The following AUTS2 variants were observed in gnomAD, a reference collection of about 807,000 sequenced individuals.
AUTS2 encodes activator of transcription and developmental regulator AUTS2.
Under a neutral mutation model 112.4 loss-of-function variants are expected in AUTS2, and 17 were observed. The ratio of observed to expected loss-of-function variants is 0.15; its 90% CI spans 0.10 to 0.23. The LOEUF is 0.23. Among genes scored for constraint, AUTS2 ranks in the 10% least tolerant of loss-of-function variants. The pLI, the probability that AUTS2 is intolerant of heterozygous loss-of-function variation, is 1.00. For synonymous variants in AUTS2, 751 were observed against 702.7 expected (o/e 1.07, Z -1.09); for missense variants, 1,510 against 1,701.6 (o/e 0.89, Z 1.98).
chr7:70,135,768 G>T (rs1806523561), intron 4 of AUTS2, among the ~76,000 whole-genome samples: 1 of 152,144 alleles, frequency 6.6e-6, no homozygotes, highest in Admixed American at 6.6e-5. Flanking sequence ...GAATATTCAT[G>T]CTAACAGAAA....
intron 1 of AUTS2, among the ~76,000 whole-genome samples, chr7:69,666,680 T>C (rs1796060815): frequency 6.6e-6 from 1 of 152,098 alleles, no homozygotes; most frequent in Admixed American, 6.6e-5. Context: ...GGCAGGAGGA[T>C]TGCTTGAGCT....
At chr7:70,417,360 C>T (rs1248106191) in intron 4 of AUTS2, among the ~76,000 whole-genome samples, 2 of 152,188 alleles carry the variant, frequency 1.3e-5, no homozygotes, top group African/African-American at 4.8e-5. Context: ...GATGGCAGCA[C>T]ATCAAATTGG....
At chr7:70,263,555 A>T (rs930866590) in intron 4 of AUTS2, among the ~76,000 whole-genome samples, 1 of 152,234 alleles carries the variant, frequency 6.6e-6, no homozygotes, top group Non-Finnish European at 1.5e-5. Flanking sequence ...CAAAATGAAT[A>T]TGAAGCTCAA....
intron 2 of AUTS2, among the ~76,000 whole-genome samples, chr7:69,978,723 A>G (rs1321599496): frequency 1.3e-5 from 2 of 152,000 alleles, no homozygotes; most frequent in African/African-American, 2.4e-5. Flanking sequence ...GTATGTGTCT[A>G]TGGTCCCAGC....
intron 1 of AUTS2, among the ~76,000 whole-genome samples, chr7:69,667,840 C>T (rs1417192442): frequency 6.6e-6 from 1 of 152,176 alleles, no homozygotes; most frequent in Non-Finnish European, 1.5e-5. Context: ...CACAGTTTTC[C>T]TGACCATCTC....
intron 4 of AUTS2, among the ~76,000 whole-genome samples, chr7:70,373,091 C>T (rs147452027): frequency 6.6e-5 from 10 of 150,394 alleles, no homozygotes; most frequent in African/African-American, 2.4e-4. Context: ...TGCAATATCA[C>T]GTGAATAATT....
At chr7:70,635,505 G>A (rs1353222194) in intron 5 of AUTS2, among the ~76,000 whole-genome samples, 2 of 152,194 alleles carry the variant, frequency 1.3e-5, no homozygotes, top group African/African-American at 2.4e-5. Flanking sequence ...GGACCCGAAG[G>A]CCTGGGTTCC....
chr7:70,739,345 T>C (rs1384611942), intron 6 of AUTS2, among the ~76,000 whole-genome samples: 2 of 125,882 alleles, frequency 1.6e-5, no homozygotes, highest in African/African-American at 7.5e-5. Context: ...CTTTTTTTCC[T>C]TTTTTTTTTT....
At chr7:69,801,195 A>C (rs1790067104) in intron 1 of AUTS2, among the ~76,000 whole-genome samples, 1 of 150,686 alleles carries the variant, frequency 6.6e-6, no homozygotes, top group Non-Finnish European at 1.5e-5. Flanking sequence ...ATAAAACAAT[A>C]TGTTAATTAA....
At chr7:70,087,615 C>T (rs1221332608) in intron 2 of AUTS2, among the ~76,000 whole-genome samples, 3 of 152,028 alleles carry the variant, frequency 2.0e-5, no homozygotes, top group Non-Finnish European at 4.4e-5. Context: ...GTGATCTACC[C>T]ACCTCGGCCT....
intron 5 of AUTS2, among the ~76,000 whole-genome samples, chr7:70,548,353 C>G (rs1162190405): frequency 6.6e-6 from 1 of 152,088 alleles, no homozygotes; most frequent in Admixed American, 6.5e-5. Context: ...AATATTTTCT[C>G]CCAGTCAGTG....
At chr7:70,506,196 C>G (rs1479467779) in intron 5 of AUTS2, among the ~76,000 whole-genome samples, 1 of 152,116 alleles carries the variant, frequency 6.6e-6, no homozygotes, top group Non-Finnish European at 1.5e-5. Context: ...TAGAAGATTT[C>G]CCCAGATTGA....
intron 2 of AUTS2, among the ~76,000 whole-genome samples, chr7:70,052,622 A>C (rs1801807929): frequency 6.6e-6 from 1 of 152,174 alleles, no homozygotes; most frequent in African/African-American, 2.4e-5. Context: ...CTGTAGCCCT[A>C]CTCATAAAGT....
intron 1 of AUTS2, among the ~76,000 whole-genome samples, chr7:69,876,314 A>T: frequency 9.9e-6 from 1 of 101,220 alleles, no homozygotes; most frequent in Non-Finnish European, 1.9e-5. Flanking sequence ...TGATGGAGCG[A>T]GACTCTGTCT....
intron 2 of AUTS2, among the ~76,000 whole-genome samples, chr7:70,105,361 G>T (rs1328251397): frequency 1.3e-5 from 2 of 152,124 alleles, no homozygotes; most frequent in Non-Finnish European, 2.9e-5. Context: ...CTGGGCTCGG[G>T]CAATCCTCGT....
At chr7:70,336,246 T>C (rs1275795150) in intron 4 of AUTS2, among the ~76,000 whole-genome samples, 1 of 152,014 alleles carries the variant, frequency 6.6e-6, no homozygotes, top group South Asian at 2.1e-4. Context: ...GTATCCAAAC[T>C]ATAAAAAGCA....
rs146646942 is a variant in AUTS2, at chr7:70,530,645, G to A, written c.690+94864G>A. The stretch of plus-strand genomic sequence containing the variant: ...CTCTTCCCCAGCCCCCAGCCTGACC[G>A]TGGAAATTAGCCTGGCCACTGCTTA... On this transcript the variant is annotated intron_variant, in intron 5 of 18. Coordinates refer to ENST00000342771, the MANE Select transcript of AUTS2 (RefSeq NM_015570.4). 8.5e-4 allele frequency among the ~76,000 whole-genome samples: 129 copies of A among 152,202 alleles called. 1 individual carries two copies. The highest frequency in any genetic ancestry group is 6.8e-3 in the Middle Eastern group (2 of 294).
intron 1 of AUTS2, among the ~76,000 whole-genome samples, chr7:69,649,175 G>A (rs1340434610): frequency 8.5e-5 from 13 of 152,076 alleles, no homozygotes; most frequent in Admixed American, 8.5e-4. Context: ...ACTTTGTCTC[G>A]GACCTGTAGA....
At chr7:69,794,930 A>G (rs1198541686) in intron 1 of AUTS2, among the ~76,000 whole-genome samples, 3 of 152,160 alleles carry the variant, frequency 2.0e-5, no homozygotes, top group Non-Finnish European at 2.9e-5. Context: ...CTTTCCACTC[A>G]TTCCTTCTCA....
Sources: gnomAD v4.1 joint callset for allele counts (sites outside exome capture counted in the v4.1 genomes callset) on GRCh38, gnomAD v4.1.1 for gene constraint, MANE v1.5 for transcripts, NCBI Gene and HGNC (gene_info 2026-07-23, HGNC 2026-07-21) for gene names.